Variants in PRMT8 observed in about 807,000 individuals in gnomAD.
The protein encoded by PRMT8 is protein arginine N-methyltransferase 8.
A neutral mutation model predicts 47.1 loss-of-function variants in PRMT8; 7 were observed. The ratio of observed to expected loss-of-function variants is 0.15; its 90% confidence interval spans 0.08 to 0.28. PRMT8 has a LOEUF of 0.28. Among genes scored for constraint, PRMT8 ranks in the 10% least tolerant of loss-of-function variants. PRMT8 has a pLI of 1.00. For missense variants in PRMT8, 237 were observed against 505.4 expected (o/e 0.47, Z 5.09); for synonymous variants, 188 against 186.5 (o/e 1.01, Z -0.07).
chr12:3,452,826 G>T (rs1323142272), intron 1 of PRMT8, among the ~76,000 whole-genome samples: 1 of 152,206 alleles, frequency 6.6e-6, no homozygotes, highest in African/African-American at 2.4e-5. Flanking sequence ...CTGCTGGGAA[G>T]TGCTGGCTGC....
At chr12:3,532,838 G>T (rs1161215589) in intron 1 of PRMT8, among the ~76,000 whole-genome samples, 1 of 152,046 alleles carries the variant, frequency 6.6e-6, no homozygotes, top group Non-Finnish European at 1.5e-5. Context: ...CAAGGCCTGG[G>T]AATCTGCATT....
chr12:3,577,952 T>C (rs1240563504), intron 7 of PRMT8, among the ~76,000 whole-genome samples: 2 of 152,162 alleles, frequency 1.3e-5, no homozygotes, highest in African/African-American at 4.8e-5. Flanking sequence ...TCCAGCCCCA[T>C]CCTCCTCCAG....
At chr12:3,536,761 C>A (rs73043236) in intron 1 of PRMT8, among the ~76,000 whole-genome samples, 1 of 152,286 alleles carries the variant, frequency 6.6e-6, no homozygotes, top group Non-Finnish European at 1.5e-5. Flanking sequence ...AATGCTCGGG[C>A]CACACATCCT....
At chr12:3,520,493 T>C (rs1232736150) in intron 1 of PRMT8, among the ~76,000 whole-genome samples, 1 of 152,116 alleles carries the variant, frequency 6.6e-6, no homozygotes, top group African/African-American at 2.4e-5. Flanking sequence ...CAGTTTCTTA[T>C]AAAAAGGAGA....
intron 1 of PRMT8, among the ~76,000 whole-genome samples, chr12:3,455,372 G>T (rs1864963333): frequency 6.6e-6 from 1 of 152,172 alleles, no homozygotes; most frequent in Non-Finnish European, 1.5e-5. Flanking sequence ...TGGGCTTGGG[G>T]TGTGGAAGGC....
upstream of PRMT8, among the ~76,000 whole-genome samples, chr12:3,487,983 C>T (rs1329349351): frequency 6.6e-6 from 1 of 152,198 alleles, no homozygotes; most frequent in Non-Finnish European, 1.5e-5. Flanking sequence ...CCAGATGATT[C>T]CACTGTATAG....
chr12:3,491,249 C>T lies in PRMT8; in HGVS notation c.-377C>T, dbSNP rs1865390378. The T allele has an allele frequency of 9.8e-7, 1 of 1,023,018 alleles. No homozygotes were observed. Among genetic ancestry groups the T allele is most frequent in the African/African-American group, 1.7e-5 (1 of 58,434 alleles). The allele number at this position is 1,023,018 out of a possible 1,614,324, so 63.4% of individuals were successfully genotyped here. On this transcript the variant is annotated 5_prime_UTR_variant, in exon 1 of 10. Coordinates refer to ENST00000382622, the MANE Select transcript of PRMT8 (RefSeq NM_019854.5). ...GAAGTTGAGAGGAGTTGGCGGCTGC[C>T]TCCGGCCGGCCGGACTTTGCGAGCA...
intron 1 of PRMT8, among the ~76,000 whole-genome samples, chr12:3,531,043 G>A (rs780000908): frequency 1.2e-4 from 19 of 152,280 alleles, no homozygotes; most frequent in African/African-American, 4.1e-4. Flanking sequence ...CCTACGAAGC[G>A]GGTACAGGGA....
intron 4 of PRMT8, among the ~76,000 whole-genome samples, chr12:3,559,189 G>A (rs1258642737): frequency 6.6e-6 from 1 of 152,032 alleles, no homozygotes; most frequent in Admixed American, 6.6e-5. Flanking sequence ...CCCTGATTTG[G>A]TCACTGATGC....
intron 2 of PRMT8, among the ~76,000 whole-genome samples, chr12:3,547,440 A>G (rs1343626559): frequency 6.6e-6 from 1 of 152,228 alleles, no homozygotes; most frequent in Non-Finnish European, 1.5e-5. Context: ...AACCCATTGC[A>G]AAATGAAAAA....
At chr12:3,433,558 G>C (rs2137069701) in intron 1 of PRMT8, among the ~76,000 whole-genome samples, 1 of 152,284 alleles carries the variant, frequency 6.6e-6, no homozygotes, top group South Asian at 2.1e-4. Context: ...TGGCAGAGTG[G>C]GATACAGTGG....
chr12:3,568,064 C>G (rs1317915915), intron 4 of PRMT8, among the ~76,000 whole-genome samples: 1 of 143,112 alleles, frequency 7.0e-6, no homozygotes, highest in Non-Finnish European at 1.5e-5. Flanking sequence ...AAGAGTGAAA[C>G]TCCGTCTCAA....
At chr12:3,499,180 T>A (rs1865553516) in intron 1 of PRMT8, among the ~76,000 whole-genome samples, 1 of 134,648 alleles carries the variant, frequency 7.4e-6, no homozygotes, top group Admixed American at 7.1e-5. Flanking sequence ...TTTATTTATT[T>A]TTTTTTTCCT....
intron 4 of PRMT8, 129 bp downstream of exon 4, chr12:3,553,843 C>T: frequency 1.2e-6 from 1 of 827,614 alleles, no homozygotes; most frequent in East Asian, 2.6e-5. Context: ...CCAGCTGAGG[C>T]CCCCGCCAGC....
chr12:3,400,029 T>A (rs753895407), intron 1 of PRMT8, among the ~76,000 whole-genome samples: 1 of 152,096 alleles, frequency 6.6e-6, no homozygotes, highest in African/African-American at 2.4e-5. Context: ...AGGAGGAAAT[T>A]TATAGCACTA....
In PRMT8 at chr12:3,409,305, G is replaced by A. The variant is rs781249525; in HGVS notation, c.48+27863G>A. Among the ~76,000 whole-genome samples the A allele has an allele frequency of 1.3e-5, 2 of 152,122 alleles. No homozygotes were observed. Among genetic ancestry groups the A allele is most frequent in the Admixed American group, 6.5e-5 (1 of 15,276 alleles). ...GGAAGAAGGGGTGCTGTGGAGTTTC[G>A]GGTCCAGTGAGCAGAACACAGCTGT... On this transcript the variant is annotated intron_variant, in intron 1 of 9. Transcript: ENST00000452611. This position sits in a 1 kb window ranked among gnomAD's most constrained non-coding sequence, Gnocchi z 4.4.
At chr12:3,505,405 C>T (rs1865606588) in intron 1 of PRMT8, among the ~76,000 whole-genome samples, 1 of 152,202 alleles carries the variant, frequency 6.6e-6, no homozygotes, top group Admixed American at 6.5e-5. Context: ...AGTGGTCTCT[C>T]TCCCTTATCT....
intron 1 of PRMT8, among the ~76,000 whole-genome samples, chr12:3,445,539 G>A (rs897100781): frequency 6.6e-6 from 1 of 151,970 alleles, no homozygotes; most frequent in Non-Finnish European, 1.5e-5. Flanking sequence ...TGCAGCTATG[G>A]TGTTTCAGCC....
chr12:3,550,322 G>A lies in PRMT8; in HGVS notation c.417+231G>A, dbSNP rs1866394056. On this transcript the variant is annotated intron_variant, in intron 3 of 9. Coordinates refer to ENST00000382622, the MANE Select transcript of PRMT8 (RefSeq NM_019854.5). The surrounding 1 kb of genome is among the most constrained non-coding windows in gnomAD (Gnocchi z 5.1). ...CCACTGACATTTGCGGAGGAACTGTGGCTTTCCTGAGACCATTCCAATGTC... is the reference window on the plus strand; with the variant it reads ...CCACTGACATTTGCGGAGGAACTGTAGCTTTCCTGAGACCATTCCAATGTC... 5.8e-6 allele frequency: 3 copies of A among 516,226 alleles called. No individual in the cohort carries two copies. The highest frequency in any genetic ancestry group is 1.0e-5 in the Non-Finnish European group (3 of 289,226). 32.0% of individuals were successfully genotyped at this position (516,226 alleles called of 1,614,324 possible).
Sources: allele counts gnomAD v4.1 joint callset (sites outside exome capture counted in the v4.1 genomes callset), GRCh38; gene constraint gnomAD v4.1.1; non-coding constraint Gnocchi (gnomAD v3.1); transcripts MANE v1.5; gene names NCBI Gene and HGNC (gene_info 2026-07-23, HGNC 2026-07-21).